The following GSE1 variants were observed in gnomAD, a reference collection of about 807,000 sequenced individuals.
GSE1 encodes the protein genetic suppressor element 1.
Under a neutral mutation model 112.6 loss-of-function variants are expected in GSE1, and 32 were observed. The ratio of observed to expected loss-of-function variants is 0.28; its 90% CI spans 0.21 to 0.38. The LOEUF is 0.38. Among genes scored for constraint, GSE1 ranks in the 10% least tolerant of loss-of-function variants. The probability of loss-of-function intolerance (pLI) is 1.00; values close to 1 mark genes in which losing one functional copy is unlikely to be tolerated. For synonymous variants in GSE1, 1,115 were observed against 735.6 expected (o/e 1.52, Z -8.35); for missense variants, 2,348 against 1,699.2 (o/e 1.38, Z -6.71).
chr16:85,281,124 G>T (rs1167441453), intron 1 of GSE1, among the ~76,000 whole-genome samples: 2 of 152,086 alleles, frequency 1.3e-5, no homozygotes, highest in Admixed American at 1.3e-4. Context: ...CGATGCAAAC[G>T]GCCTCTCTCA....
rs546669422 is a variant in GSE1 at position 85,357,440 on chromosome 16, G to T, written c.2284-23G>T. ...CCTGCAGGCATGGCCCAGGCTCACT[G>T]TGTCCACCTCTTTTCCTTTCAGCCT... On this transcript the variant is annotated intron_variant, in intron 1 of 2. Transcript: ENST00000637419. The T allele has an allele frequency of 3.3e-5, 39 of 1,191,252 alleles. No homozygotes were observed. In the East Asian group the frequency reaches 1.1e-3, roughly 33 times the overall value. 73.8% of individuals were successfully genotyped at this position (1,191,252 alleles called of 1,614,324 possible).
rs187766012 is a variant in GSE1, at chr16:85,482,580, G to A, written c.2464+124937G>A. Reference sequence around the variant, plus strand: ...AGAACCGACGTGAGTGACGTGGATGGGACATCTGTCTTCAGTGCCAGCCTC... The same window carrying A: ...AGAACCGACGTGAGTGACGTGGATGAGACATCTGTCTTCAGTGCCAGCCTC... On this transcript the variant is annotated intron_variant, in intron 2 of 2. Transcript: ENST00000637419. Among the ~76,000 whole-genome samples, 920 of 152,278 alleles carry A rather than the reference G, an allele frequency of 6.0e-3. 11 individuals are homozygous for A. Among genetic ancestry groups the A allele is most frequent in the Admixed American group, 0.05 (761 of 15,288 alleles).
intron 1 of GSE1, among the ~76,000 whole-genome samples, chr16:85,600,256 T>C (rs2047404581): frequency 6.6e-6 from 1 of 152,306 alleles, no homozygotes; most frequent in African/African-American, 2.4e-5. Flanking sequence ...CAAAGCAGTT[T>C]GCTGGCTGAG....
At chr16:85,591,464 C>G (rs2046999826) in intron 1 of GSE1, among the ~76,000 whole-genome samples, 1 of 152,252 alleles carries the variant, frequency 6.6e-6, no homozygotes, top group South Asian at 2.1e-4. Context: ...GCGGATGGAG[C>G]CTTGGTGGGA....
exon 1 of GSE1, chr16:85,171,690 C>G (rs776209609): frequency 4.1e-6 from 4 of 985,588 alleles, no homozygotes; most frequent in Non-Finnish European, 4.8e-6. Context: ...TGGTGGATGA[C>G]GGACAGCAGC....
At chr16:85,177,906 G>A (rs1490312410) in intron 1 of GSE1, among the ~76,000 whole-genome samples, 2 of 152,182 alleles carry the variant, frequency 1.3e-5, no homozygotes, top group African/African-American at 2.4e-5. Context: ...TCCCGTCCCT[G>A]TGTGAGCCTC....
intron 2 of GSE1, among the ~76,000 whole-genome samples, chr16:85,496,120 C>T (rs1460442340): frequency 6.6e-6 from 1 of 152,178 alleles, no homozygotes; most frequent in Non-Finnish European, 1.5e-5. Flanking sequence ...GCAGGGTCTC[C>T]GGCTTCATTT....
chr16:85,555,271 C>T, upstream of GSE1: 1 of 985,404 alleles, frequency 1.0e-6, no homozygotes. Context: ...CTCTCGCCTC[C>T]CCGCTCTCCT....
chr16:85,317,310 T>C (rs527680756), intron 1 of GSE1, among the ~76,000 whole-genome samples: 2 of 152,276 alleles, frequency 1.3e-5, no homozygotes, highest in East Asian at 3.9e-4. Flanking sequence ...GGCTGGTTCA[T>C]TCCTGTAGAA....
intron 2 of GSE1, among the ~76,000 whole-genome samples, chr16:85,430,774 C>G (rs2049101041): frequency 6.6e-6 from 1 of 152,200 alleles, no homozygotes; most frequent in Non-Finnish European, 1.5e-5. Flanking sequence ...GCATGACCTG[C>G]CCGCCTCCAT....
chr16:85,180,018 G>T (rs114935469), intron 1 of GSE1, among the ~76,000 whole-genome samples: 2,648 of 152,308 alleles, frequency 0.017, 82 homozygotes, highest in African/African-American at 0.061. Flanking sequence ...ATGTGTTGGC[G>T]GGGGGCTGTG....
chr16:85,516,470 A>AC (rs2051942354), intron 2 of GSE1, among the ~76,000 whole-genome samples: 1 of 151,160 alleles, frequency 6.6e-6, no homozygotes, highest in Admixed American at 6.6e-5. Flanking sequence ...AAAAAAAAAA[A>AC]AAAAAAAAAA....
At chr16:85,263,464 A>G (rs1907921514) in intron 1 of GSE1, among the ~76,000 whole-genome samples, 1 of 152,052 alleles carries the variant, frequency 6.6e-6, no homozygotes, top group Non-Finnish European at 1.5e-5. Flanking sequence ...GCAGTTTGAG[A>G]ATCCCTGGTC....
chr16:85,280,511 T>C (rs1432334165), intron 1 of GSE1, among the ~76,000 whole-genome samples: 1 of 152,190 alleles, frequency 6.6e-6, no homozygotes, highest in East Asian at 1.9e-4. Flanking sequence ...TTCTCCTGCC[T>C]CAGCCTCTCG....
rs1567520887 is a variant in GSE1, at chr16:85,478,923, C to CT, written c.2464+121283dup. Among the ~76,000 whole-genome samples the CT allele has an allele frequency of 5.3e-3, 201 of 37,662 alleles. 22 individuals are homozygous for CT. Among genetic ancestry groups the CT allele is most frequent in the African/African-American group, 0.03 (191 of 6,462 alleles). The allele number at this position is 37,662 out of a possible 152,430, so 24.7% of individuals were successfully genotyped here. A position where few individuals can be genotyped will look rare whatever the true frequency, so the allele number is the denominator to read the frequency against. On this transcript the variant is annotated intron_variant, in intron 2 of 2. Transcript: ENST00000637419. Reference sequence around the variant, plus strand: ...TCTTTCTTTCTTTCTTTCTTTCTTTCTTTCTCTTTCTTTCTTTCTTTCTTT... The same window carrying CT: ...TCTTTCTTTCTTTCTTTCTTTCTTTCTTTTCTCTTTCTTTCTTTCTTTCTTT...
chr16:85,548,300 G>A lies in GSE1; in HGVS notation c.2465-85614G>A, dbSNP rs374216970. Among the ~76,000 whole-genome samples the A allele has an allele frequency of 6.7e-4, 100 of 148,538 alleles. 1 individual carries two copies. In the South Asian group the frequency reaches 0.017, roughly 26 times the overall value. On this transcript the variant is annotated intron_variant, in intron 2 of 2. Transcript: ENST00000637419. ...CGAATTATTCTAGCTATTTTGAAGT[G>A]TACAATAGATTATTATAAACTATAG...
At chr16:85,566,572 A>G (rs1482791882) in intron 1 of GSE1, among the ~76,000 whole-genome samples, 1 of 152,158 alleles carries the variant, frequency 6.6e-6, no homozygotes, top group Non-Finnish European at 1.5e-5. Flanking sequence ...CCCCAACCCC[A>G]GAAGACTTCA....
intron 2 of GSE1, among the ~76,000 whole-genome samples, chr16:85,509,851 T>G (rs891500718): frequency 2.0e-5 from 3 of 151,850 alleles, no homozygotes; most frequent in African/African-American, 7.3e-5. Flanking sequence ...TTGGAAGGGA[T>G]AGGAGACCCC....
At chr16:85,483,575 C>T (rs913750543) in intron 2 of GSE1, among the ~76,000 whole-genome samples, 1 of 152,280 alleles carries the variant, frequency 6.6e-6, no homozygotes, top group African/African-American at 2.4e-5. Flanking sequence ...GATGCCCAGG[C>T]CCCCGGCCAC....
Sources: allele counts gnomAD v4.1 joint callset (sites outside exome capture counted in the v4.1 genomes callset), GRCh38; gene constraint gnomAD v4.1.1; transcripts MANE v1.5; gene names NCBI Gene and HGNC (gene_info 2026-07-23, HGNC 2026-07-21).